The following TSBP1 variants were observed in gnomAD, a reference collection of about 807,000 sequenced individuals.
TSBP1 encodes the protein testis-expressed basic protein 1.
A neutral mutation model predicts 68.8 loss-of-function variants in TSBP1; 56 were observed. The ratio of observed to expected loss-of-function variants is 0.81; its 90% CI spans 0.66 to 1.02. TSBP1 has a LOEUF of 1.02. Among genes scored for constraint, TSBP1 ranks in the 50% least tolerant of loss-of-function variants. The pLI is 0.00. For missense variants in TSBP1, 502 were observed against 641.2 expected, an observed-to-expected ratio of 0.78 and a Z score of 2.34; for synonymous variants, 171 against 208.7, an observed-to-expected ratio of 0.82 and a Z score of 1.56.
Position 32,292,984 on chromosome 6 carries a change from C to T in TSBP1, c.1689G>A (p.Glu563=), listed in dbSNP as rs753764576. ...TGGGCCTTTAAAAAATTTATCCTTA[C>T]TCTTCCACTTTTTTGTTGTACTTCC... The change falls in exon 23 of 23, where the codon GAG becomes GAA. Residue 563 remains glutamate, a synonymous_variant. Transcript: ENST00000612031. This position sits in a 1 kb window ranked among gnomAD's most constrained non-coding sequence, Gnocchi z 4.1. 1 of 1,591,378 alleles carries T rather than the reference C, an allele frequency of 6.3e-7. No individual in the cohort carries two copies. Among genetic ancestry groups the T allele is most frequent in the Non-Finnish European group, 8.5e-7 (1 of 1,171,128 alleles).
intron 19 of TSBP1, among the ~76,000 whole-genome samples, chr6:32,310,057 C>T (rs9268196): frequency 0.21 from 32,018 of 151,986 alleles, 3,558 homozygotes; most frequent in East Asian, 0.22. Context: ...CATTTCCATC[C>T]AGGTTGTTGC....
At chr6:32,318,709 C>T (rs1767251593) in intron 18 of TSBP1, among the ~76,000 whole-genome samples, 1 of 152,012 alleles carries the variant, frequency 6.6e-6, no homozygotes, top group Admixed American at 6.5e-5. Context: ...TCTATAGAGA[C>T]AGAAAGAAGA....
intron 6 of TSBP1, among the ~76,000 whole-genome samples, chr6:32,362,836 A>G (rs369539149): frequency 2.9e-4 from 44 of 152,266 alleles, no homozygotes; most frequent in African/African-American, 6.7e-4. Flanking sequence ...ATAAGGGCCA[A>G]TTTCTTTTTG....
Position 32,365,197 on chromosome 6 carries a change from G to A in TSBP1, c.217+970C>T. On this transcript the variant is annotated intron_variant, in intron 6 of 22. Transcript: ENST00000612031. The surrounding 1 kb of genome is among the most constrained non-coding windows in gnomAD (Gnocchi z 4.3). ...ATGAACTACCACACCCAGGGTAGAT[G>A]GGATTTCTAAGATTGTGCTTTCTCT... is the stretch of plus-strand genomic sequence containing the variant. The A allele has an allele frequency of 1.0e-5, 4 of 399,326 alleles. No homozygotes were observed. Among genetic ancestry groups the A allele is most frequent in the South Asian group, 7.6e-5 (4 of 52,710 alleles). The allele number at this position is 399,326 out of a possible 1,614,324, so 24.7% of individuals were successfully genotyped here.
rs1157362331 is a variant in TSBP1 at position 32,302,165 on chromosome 6, A to T, written c.601+444T>A. Among the ~76,000 whole-genome samples, 2 of 152,020 alleles carry T rather than the reference A, an allele frequency of 1.3e-5. No individual in the cohort carries two copies. The highest frequency in any genetic ancestry group is 3.8e-4 in the East Asian group (2 of 5,196). On this transcript the variant is annotated intron_variant, in intron 20 of 22. Coordinates refer to ENST00000612031, the Ensembl canonical transcript of TSBP1. The surrounding 1 kb of genome is among the most constrained non-coding windows in gnomAD (Gnocchi z 5.1). ...GACTTTAAGGCTTATAAAATTTAAA[A>T]TATTTGGCTGGGCATGGTGGCTTAT...
rs1767640746 is a variant in TSBP1 at position 32,321,575 on chromosome 6, T to C, written c.559+1542A>G. Among the ~76,000 whole-genome samples, 3 of 152,224 alleles carry C rather than the reference T, an allele frequency of 2.0e-5. No individual in the cohort carries two copies. Among genetic ancestry groups the C allele is most frequent in the Non-Finnish European group, 4.4e-5 (3 of 68,046 alleles). ...GAACCATTGTCTCTGTATTTTTATC[T>C]GTGCCGTGAGAATACTTAGCCGATC... is the stretch of plus-strand genomic sequence containing the variant. On this transcript the variant is annotated intron_variant, in intron 18 of 22. Coordinates refer to ENST00000612031, the Ensembl canonical transcript of TSBP1. The surrounding 1 kb of genome is among the most constrained non-coding windows in gnomAD (Gnocchi z 4.3).
intron 18 of TSBP1, among the ~76,000 whole-genome samples, chr6:32,318,785 C>T (rs500279): frequency 0.088 from 13,345 of 151,994 alleles, 853 homozygotes; most frequent in African/African-American, 0.16. Context: ...GAAGTGATTG[C>T]TAAACAGAGT....
In TSBP1 at chr6:32,326,270, T is replaced by C. The variant is rs565616820; in HGVS notation, c.515-2656A>G. 127 of 792,290 alleles carry C rather than the reference T, an allele frequency of 1.6e-4. No individual in the cohort carries two copies. In the African/African-American group the frequency reaches 1.9e-3, roughly 12 times the overall value. The allele number at this position is 792,290 out of a possible 1,614,324, so 49.1% of individuals were successfully genotyped here. A position where few individuals can be genotyped will look rare whatever the true frequency, so the allele number is the denominator to read the frequency against. ...GATTTGTGAACTCAGCCAAGCACAG[T>C]GGTGGCAGGGCCTAGCTGGTACAAA... is the stretch of plus-strand genomic sequence containing the variant. On this transcript the variant is annotated intron_variant, in intron 16 of 22. Transcript: ENST00000612031.
In TSBP1 at chr6:32,366,168, T is replaced by A. The variant is rs1408077358; in HGVS notation, c.216A>T (p.Arg72=). Residue 72 remains arginine (R), a splice_region_variant and synonymous_variant, in exon 6 of 23, where the codon CGA becomes CGT. Coordinates refer to ENST00000612031, the Ensembl canonical transcript of TSBP1. Reference sequence around the variant, plus strand: ...ACAAAAATCTCTACATATACTTACCTCGGTTATCATATGAAGTGTCTAGAG... The same window carrying A: ...ACAAAAATCTCTACATATACTTACCACGGTTATCATATGAAGTGTCTAGAG... 14 of 1,602,372 alleles carry A rather than the reference T, an allele frequency of 8.7e-6. No individual in the cohort carries two copies. In the Admixed American group the frequency reaches 2.4e-4, roughly 28 times the overall value.
At chr6:32,323,566 G>A in intron 17 of TSBP1, 25 bp downstream of exon 18, 2 of 1,607,978 alleles carry the variant, frequency 1.2e-6, no homozygotes, top group African/African-American at 2.7e-5. Context: ...CAACAGAAAA[G>A]AGTAGAAAAA....
chr6:32,366,052 T>A (rs1197757896), intron 6 of TSBP1, 115 bp downstream of exon 6: 1 of 1,352,998 alleles, frequency 7.4e-7, no homozygotes, highest in Non-Finnish European at 1.0e-6. Flanking sequence ...ATTCTGTAAC[T>A]ACTTTGATTT....
chr6:32,334,211 T>C (rs1769382171), intron 14 of TSBP1, among the ~76,000 whole-genome samples: 1 of 152,184 alleles, frequency 6.6e-6, no homozygotes, highest in Non-Finnish European at 1.5e-5. Flanking sequence ...TATTCTCTTA[T>C]GTGCCAATTC....
intron 16 of TSBP1, chr6:32,324,350 C>T: frequency 4.1e-6 from 2 of 482,288 alleles, no homozygotes; most frequent in African/African-American, 2.0e-5. Context: ...CATTTTTTCC[C>T]TTTTTAAGGT....
rs1337380447 is a variant in TSBP1, at chr6:32,361,848, C to T, written c.217+4319G>A. On this transcript the variant is annotated intron_variant, in intron 6 of 22. Coordinates refer to ENST00000612031, the Ensembl canonical transcript of TSBP1. This position sits in a 1 kb window ranked among gnomAD's most constrained non-coding sequence, Gnocchi z 4.3. ...TGTGGTTTTAATGTCCTCTCCGAAA[C>T]TCATGTTGAAACTTAATCCTCAATG... Among the ~76,000 whole-genome samples the T allele has an allele frequency of 1.3e-5, 2 of 152,032 alleles. No individual in the cohort carries two copies. Among genetic ancestry groups the T allele is most frequent in the Non-Finnish European group, 2.9e-5 (2 of 68,014 alleles).
At chr6:32,344,861 T>TGGGG (rs1770800559) in intron 9 of TSBP1, among the ~76,000 whole-genome samples, 2 of 143,606 alleles carry the variant, frequency 1.4e-5, no homozygotes, top group Admixed American at 7.2e-5. Flanking sequence ...GTTTTTTTTT[T>TGGGG]GGGGCTGGGG....
intron 21 of TSBP1, among the ~76,000 whole-genome samples, chr6:32,300,195 A>G (rs1285986162): frequency 6.6e-6 from 1 of 152,116 alleles, no homozygotes; most frequent in African/African-American, 2.4e-5. Context: ...AATTCAAACT[A>G]TTGTATTTCC....
chr6:32,302,701 C>A lies in TSBP1; in HGVS notation c.581-72G>T, dbSNP rs1428872364. 9 of 1,093,930 alleles carry A rather than the reference C, an allele frequency of 8.2e-6. No homozygotes were observed. In the African/African-American group the frequency reaches 1.3e-4, roughly 16 times the overall value. The allele number at this position is 1,093,930 out of a possible 1,614,324, so 67.8% of individuals were successfully genotyped here. ...CAGAAGTACAGTTCTTTCCTACTCC[C>A]AATTCCCTAGTTGTTTTTTCTAGGG... On this transcript the variant is annotated intron_variant, in intron 19 of 22. Coordinates refer to ENST00000612031, the Ensembl canonical transcript of TSBP1. The surrounding 1 kb of genome is among the most constrained non-coding windows in gnomAD (Gnocchi z 5.1).
chr6:32,350,667 G>A (rs1771620240), intron 8 of TSBP1, among the ~76,000 whole-genome samples: 1 of 152,136 alleles, frequency 6.6e-6, no homozygotes, highest in Non-Finnish European at 1.5e-5. Flanking sequence ...AGGTTACATG[G>A]AAAAAGGGAA....
intron 19 of TSBP1, among the ~76,000 whole-genome samples, chr6:32,313,265 C>T (rs34838815): frequency 6.7e-6 from 1 of 148,382 alleles, no homozygotes; most frequent in Non-Finnish European, 1.5e-5. Flanking sequence ...CTGACATTTA[C>T]TGTATGTTTA....
Sources: allele counts gnomAD v4.1 joint callset (sites outside exome capture counted in the v4.1 genomes callset), GRCh38; gene constraint gnomAD v4.1.1; non-coding constraint Gnocchi (gnomAD v3.1); transcripts MANE v1.5; gene names NCBI Gene and HGNC (gene_info 2026-07-23, HGNC 2026-07-21).